RTL1: variants seen among roughly 807,000 people sequenced by gnomAD.
The protein encoded by RTL1 is retrotransposon Gag like 1.
For missense variants in RTL1, 1,681 were observed against 1,767.5 expected, an observed-to-expected ratio of 0.95 and a Z score of 0.88; for synonymous variants, 727 against 748.4, an observed-to-expected ratio of 0.97 and a Z score of 0.47.
intron 3 of RTL1, among the ~76,000 whole-genome samples, chr14:100,890,455 G>T (rs979496577): frequency 1.7e-4 from 25 of 149,702 alleles, no homozygotes; most frequent in African/African-American, 5.9e-4. Context: ...GGGGCGGGGG[G>T]CCGGGGTGGG....
intron 3 of RTL1, among the ~76,000 whole-genome samples, chr14:100,889,370 A>G (rs34630109): frequency 1.3e-5 from 2 of 152,230 alleles, no homozygotes; most frequent in East Asian, 3.9e-4. Flanking sequence ...TATTTCTTAC[A>G]TTAAAAATCT....
intron 2 of RTL1, among the ~76,000 whole-genome samples, chr14:100,896,581 T>C (rs937985397): frequency 1.3e-5 from 2 of 150,192 alleles, no homozygotes; most frequent in African/African-American, 4.9e-5. Flanking sequence ...TGAAGCTTAG[T>C]GTGCAAGCAG....
At position 100,888,327 on chromosome 14, in the gene RTL1, T is replaced by C. The variant is rs529875836; in HGVS notation, c.-86-3453A>G. Among the ~76,000 whole-genome samples, 59 of 152,346 alleles carry C rather than the reference T, an allele frequency of 3.9e-4. 1 individual carries two copies. The highest frequency in any genetic ancestry group is 9.6e-4 in the African/African-American group (40 of 41,568). ...ATGTAACTTCTCAACTTAAAACTTC[T>C]CGAGGTTTCTTCATTGCCTGTAACA... On this transcript the variant is annotated intron_variant, in intron 3 of 3. Transcript: ENST00000649591.
chr14:100,883,109 T>C lies in RTL1; in HGVS notation c.1680A>G (p.Ser560=), dbSNP rs910550109. The C allele has an allele frequency of 9.3e-6, 15 of 1,613,020 alleles. No individual in the cohort carries two copies. The highest frequency in any genetic ancestry group is 2.7e-5 in the African/African-American group (2 of 74,874). Residue 560 remains serine (S), a synonymous_variant, in exon 4 of 4, where the codon TCA becomes TCG. Transcript: ENST00000649591. The surrounding 1 kb of genome is among the most constrained non-coding windows in gnomAD (Gnocchi z 5.9). The part of the protein sequence containing the change: ...SLLPGLPHPY[S]DLADVFNPKE... The stretch of plus-strand genomic sequence containing the variant: ...TCGGGTTAAACACGTCGGCCAGGTC[T>C]GAGTATGGGTGTGGCAGTCCGGGTA...
rs1170936730 is a variant in RTL1 at position 100,881,675 on chromosome 14, C to T, written c.3114G>A (p.Gln1038=). Residue 1038 remains glutamine, a synonymous_variant, in exon 4 of 4, where the codon CAG becomes CAA. Transcript: ENST00000649591. The surrounding 1 kb of genome is among the most constrained non-coding windows in gnomAD (Gnocchi z 6.6). The part of the protein sequence containing the change: ...TESGEEENEE[Q]DELNEQILRQ... ...GTAGGATCTGTTCATTGAGCTCATCCTGTTCTTCATTCTCTTCTTCCCCGG... is the reference window on the plus strand; with the variant it reads ...GTAGGATCTGTTCATTGAGCTCATCTTGTTCTTCATTCTCTTCTTCCCCGG... 1 of 1,554,784 alleles carries T rather than the reference C, an allele frequency of 6.4e-7. No individual in the cohort carries two copies. The highest frequency in any genetic ancestry group is 8.7e-7 in the Non-Finnish European group (1 of 1,148,532).
At chr14:100,903,123 G>A (rs2038965494) in intron 2 of RTL1, among the ~76,000 whole-genome samples, 168 bp downstream of exon 2, 1 of 152,174 alleles carries the variant, frequency 6.6e-6, no homozygotes, top group Non-Finnish European at 1.5e-5. Flanking sequence ...AGCACGAGGG[G>A]TAAAGCATGA....
At position 100,881,348 on chromosome 14, in the gene RTL1, G is replaced by C; in HGVS notation, c.3441C>G (p.Thr1147=). 5 of 1,550,612 alleles carry C rather than the reference G, an allele frequency of 3.2e-6. No individual in the cohort carries two copies. The highest frequency in any genetic ancestry group is 4.4e-6 in the Non-Finnish European group (5 of 1,146,978). The stretch of plus-strand genomic sequence containing the variant: ...TTGCACCTACGAGAGCGGGCATCTG[G>C]GTGAGCAGCTGGGTGATGGCTGTCG... ...SITTAITQLL[T]QMPALVGANT... is the part of the protein sequence containing the mutation. The change falls in exon 4 of 4, where the codon ACC becomes ACG. Residue 1147 remains threonine, a synonymous_variant. Coordinates refer to ENST00000649591, the MANE Select transcript of RTL1 (RefSeq NM_001134888.3). The surrounding 1 kb of genome is among the most constrained non-coding windows in gnomAD (Gnocchi z 6.6).
At chr14:100,900,522 C>A (rs2038927333) in intron 2 of RTL1, among the ~76,000 whole-genome samples, 1 of 152,234 alleles carries the variant, frequency 6.6e-6, no homozygotes, top group Non-Finnish European at 1.5e-5. Flanking sequence ...CAATTTAACC[C>A]TGCGCTTCAT....
chr14:100,900,618 G>A (rs2038928759), intron 2 of RTL1, among the ~76,000 whole-genome samples: 1 of 152,114 alleles, frequency 6.6e-6, no homozygotes, highest in South Asian at 2.1e-4. Flanking sequence ...TTCCCTCCGT[G>A]TCCGGCAGGG....
chr14:100,902,022 CAT>C (rs1389215274), intron 2 of RTL1, among the ~76,000 whole-genome samples: 1 of 152,218 alleles, frequency 6.6e-6, no homozygotes. Context: ...AAGGCCTAAA[CAT>C]GTGGGCTGCC....
chr14:100,882,251 T>G lies in RTL1; in HGVS notation c.2538A>C (p.Gly846=), dbSNP rs193135934. 388 of 1,551,418 alleles carry G rather than the reference T, an allele frequency of 2.5e-4. 2 individuals carry two copies. In the East Asian group the frequency reaches 3.7e-3, roughly 15 times the overall value. The change falls in exon 4 of 4, where the codon GGA becomes GGC. Residue 846 remains glycine (G), a synonymous_variant. Coordinates refer to ENST00000649591, the MANE Select transcript of RTL1 (RefSeq NM_001134888.3). The part of the protein sequence containing the change: ...QLLSSYQFYW[G]VEEQEAFECL... The stretch of plus-strand genomic sequence containing the variant: ...ACTCGAAGGCCTCTTGCTCCTCGAC[T>G]CCCCAGTAGAACTGGTAGGAGCTCA...
At chr14:100,901,068 C>T (rs1053031346) in intron 2 of RTL1, among the ~76,000 whole-genome samples, 5 of 152,350 alleles carry the variant, frequency 3.3e-5, no homozygotes, top group African/African-American at 1.2e-4. Context: ...ATGCTGCCCC[C>T]CCACGGCGGG....
chr14:100,886,853 G>GATT (rs2038703645), intron 3 of RTL1, among the ~76,000 whole-genome samples: 1 of 152,102 alleles, frequency 6.6e-6, no homozygotes, highest in Admixed American at 6.6e-5. Context: ...TTAGCAAGAC[G>GATT]ATTTAAAAAC....
chr14:100,883,675 G>T lies in RTL1; in HGVS notation c.1114C>A (p.Pro372Thr). 1 of 1,551,550 alleles carries T rather than the reference G, an allele frequency of 6.4e-7. No individual in the cohort carries two copies. Residue 372 changes from proline to threonine, a missense_variant, in exon 4 of 4, where the codon CCC (proline) becomes ACC (threonine). Pro to Thr is a conservative substitution (Grantham distance 38, BLOSUM62 -1). Coordinates refer to ENST00000649591, the MANE Select transcript of RTL1 (RefSeq NM_001134888.3). This position sits in a 1 kb window ranked among gnomAD's most constrained non-coding sequence, Gnocchi z 5.9. ...AERRAMLRLP[P>T]EARPRNLTWI... The stretch of plus-strand genomic sequence containing the variant: ...GTCAGGTTCCGGGGGCGGGCCTCGG[G>T]GGGCAGCCTGAGCATAGCTCTTCTC...
At chr14:100,896,819 T>C (rs1021094585) in intron 2 of RTL1, among the ~76,000 whole-genome samples, 4 of 152,270 alleles carry the variant, frequency 2.6e-5, no homozygotes, top group South Asian at 4.1e-4. Flanking sequence ...CCCAGCTCCT[T>C]ACCAGCAAGC....
Position 100,881,339 on chromosome 14 carries a change from G to A in RTL1, c.3450C>T (p.Pro1150=), listed in dbSNP as rs560328244. The A allele has an allele frequency of 9.7e-6, 15 of 1,550,610 alleles. No individual in the cohort carries two copies. The highest frequency in any genetic ancestry group is 2.4e-5 in the East Asian group (1 of 40,908). The part of the protein sequence containing the change: ...TAITQLLTQM[P]ALVGANTIPA... ...GGATGGTGTTTGCACCTACGAGAGC[G>A]GGCATCTGGGTGAGCAGCTGGGTGA... The change falls in exon 4 of 4, where the codon CCC becomes CCT. Residue 1150 remains proline, a synonymous_variant. Transcript: ENST00000649591. This position sits in a 1 kb window ranked among gnomAD's most constrained non-coding sequence, Gnocchi z 6.6.
rs780010702 is a variant in RTL1, at chr14:100,882,913, T to C, written c.1876A>G (p.Arg626Gly). 3.1e-6 allele frequency: 5 copies of C among 1,607,724 alleles called. No homozygotes were observed. The Admixed American group carries it at 5.1e-5, about 16-fold the overall frequency. ...WEPVGARMQE[R>G]ARLQEEYWDL... ...CAGTATTCCTCCTGTAGCCTGGCTC[T>C]TTCTTGCATCCTGGCACCCACAGGT... Residue 626 changes from arginine (R) to glycine (G), a missense_variant, in exon 4 of 4, where the codon AGA becomes GGA. Arg to Gly is a moderately radical substitution (Grantham distance 125). Transcript: ENST00000649591.
In RTL1 at chr14:100,893,566, C is replaced by T. The variant is rs891521836; in HGVS notation, c.-148-61G>A. Among the ~76,000 whole-genome samples, 1 of 152,208 alleles carries T rather than the reference C, an allele frequency of 6.6e-6. No individual in the cohort carries two copies. ...GTGAAAGTCCAGTCTTTTTGACATG[C>T]GTACATTTTCTACAGTAGCAACCAC... On this transcript the variant is annotated intron_variant, in intron 2 of 3. Transcript: ENST00000649591. This position sits in a 1 kb window ranked among gnomAD's most constrained non-coding sequence, Gnocchi z 4.2.
At chr14:100,897,787 G>GGGGC in intron 2 of RTL1, 1 of 165,454 alleles carries the variant, frequency 6.0e-6, no homozygotes, top group African/African-American at 2.7e-5. Flanking sequence ...GCGGGGGGGG[G>GGGGC]CAGTGAATTG....
Sources: gnomAD v4.1 joint callset for allele counts (sites outside exome capture counted in the v4.1 genomes callset) on GRCh38, gnomAD v4.1.1 for gene constraint, Gnocchi (gnomAD v3.1) non-coding constraint, MANE v1.5 for transcripts, NCBI Gene and HGNC (gene_info 2026-07-23, HGNC 2026-07-21) for gene names.